Variants in HMGB1 observed in about 807,000 individuals in gnomAD.
The protein encoded by HMGB1 is high mobility group box 1, also known as high mobility group protein B1.
For missense variants in HMGB1, 79 were observed against 253.5 expected, an observed-to-expected ratio of 0.31 and a Z score of 4.67; for synonymous variants, 81 against 84.0, an observed-to-expected ratio of 0.96 and a Z score of 0.19.
At chr13:30,531,509 C>CATGT (rs3222599) in intron 1 of HMGB1, among the ~76,000 whole-genome samples, 1 of 135,590 alleles carries the variant, frequency 7.4e-6, no homozygotes, top group Non-Finnish European at 1.6e-5. Context: ...GTAACATATA[C>CATGT]GTGTGTGTGT....
intron 1 of HMGB1, among the ~76,000 whole-genome samples, chr13:30,604,497 A>G (rs1047966592): frequency 2.6e-5 from 4 of 152,124 alleles, no homozygotes; most frequent in African/African-American, 9.7e-5. Context: ...GATGCTACTA[A>G]ACATCCTACA....
At chr13:30,537,176 T>C (rs1320079720) in intron 1 of HMGB1, among the ~76,000 whole-genome samples, 1 of 152,218 alleles carries the variant, frequency 6.6e-6, no homozygotes, top group African/African-American at 2.4e-5. Flanking sequence ...CCTTTTTTGT[T>C]TAGTTCCCAG....
chr13:30,595,064 CA>C (rs1001336215), intron 1 of HMGB1, among the ~76,000 whole-genome samples: 1 of 151,082 alleles, frequency 6.6e-6, no homozygotes, highest in African/African-American at 2.4e-5. Flanking sequence ...TAAAAGCAAG[CA>C]AAAAAAGGTC....
intron 1 of HMGB1, among the ~76,000 whole-genome samples, chr13:30,527,112 G>A (rs1888386520): frequency 6.6e-6 from 1 of 152,232 alleles, no homozygotes; most frequent in Non-Finnish European, 1.5e-5. Flanking sequence ...CAGAGCAGGG[G>A]CCGCAGCGGC....
chr13:30,589,007 C>CTTTTTTTTTTTTTTTTTTTTTT (rs1292576513), intron 1 of HMGB1, among the ~76,000 whole-genome samples: 2 of 141,720 alleles, frequency 1.4e-5, no homozygotes, highest in African/African-American at 5.1e-5. Context: ...TAGTTTACCA[C>CTTTTTTTTTTTTTTTTTTTTTT]TTTTTTTTTT....
intron 1 of HMGB1, among the ~76,000 whole-genome samples, chr13:30,514,043 T>C (rs56670174): frequency 0.2 from 29,692 of 151,882 alleles, 4,266 homozygotes; most frequent in African/African-American, 0.41. Context: ...CCACTGCATC[T>C]GGCCTTCCCA....
intron 1 of HMGB1, among the ~76,000 whole-genome samples, chr13:30,613,775 T>C (rs1192760296): frequency 6.6e-6 from 1 of 152,026 alleles, no homozygotes; most frequent in Non-Finnish European, 1.5e-5. Flanking sequence ...GGAGAACACA[T>C]AAGTCAAAGT....
chr13:30,465,235 C>T (rs1291458671), intron 1 of HMGB1: 28 of 335,358 alleles, frequency 8.3e-5, no homozygotes, highest in Non-Finnish European at 1.2e-4. Context: ...CGGCCGGGCC[C>T]GCACTGCCGC....
At chr13:30,574,223 C>T (rs1354529526) in intron 1 of HMGB1, among the ~76,000 whole-genome samples, 1 of 152,218 alleles carries the variant, frequency 6.6e-6, no homozygotes, top group East Asian at 1.9e-4. Context: ...TGGGCTCCCA[C>T]AGCACTCTGT....
chr13:30,480,689 C>T (rs7335774), intron 1 of HMGB1, among the ~76,000 whole-genome samples: 6,566 of 152,118 alleles, frequency 0.043, 488 homozygotes, highest in African/African-American at 0.15. Context: ...GTCGCTCTCA[C>T]GCAGTGCTAT....
Position 30,585,665 on chromosome 13 carries a change from CA to C in HMGB1, c.-15+31005del, listed in dbSNP as rs1160349577. On this transcript the variant is annotated intron_variant, in intron 1 of 4. Transcript: ENST00000405805. ...AGCCTGGGTAACAGAGACTCCATCT[CA>C]AAAAAAAAAAGTAAAAAGTATATAG... is the stretch of plus-strand genomic sequence containing the variant. Among the ~76,000 whole-genome samples the C allele has an allele frequency of 4.2e-3, 582 of 137,186 alleles. 4 individuals are homozygous for C. Among genetic ancestry groups the C allele is most frequent in the African/African-American group, 0.013 (474 of 37,226 alleles). The allele number at this position is 137,186 out of a possible 152,430, so 90.0% of individuals were successfully genotyped here. A position where few individuals can be genotyped will look rare whatever the true frequency, so the allele number is the denominator to read the frequency against.
chr13:30,613,407 A>G (rs569560955), intron 1 of HMGB1, among the ~76,000 whole-genome samples: 1 of 152,212 alleles, frequency 6.6e-6, no homozygotes, highest in Non-Finnish European at 1.5e-5. Context: ...TTGGCAAAAA[A>G]TTTTAAAGAA....
At chr13:30,521,234 A>G (rs530131806) in intron 1 of HMGB1, among the ~76,000 whole-genome samples, 1 of 152,316 alleles carries the variant, frequency 6.6e-6, no homozygotes, top group East Asian at 1.9e-4. Context: ...TTGAAATGAA[A>G]TTCACATACC....
intron 1 of HMGB1, among the ~76,000 whole-genome samples, chr13:30,525,286 ATTG>A (rs1379720214): frequency 1.3e-5 from 2 of 152,220 alleles, no homozygotes; most frequent in African/African-American, 4.8e-5. Context: ...TGTCATCACC[ATTG>A]TTGTTATTTA....
intron 1 of HMGB1, among the ~76,000 whole-genome samples, chr13:30,614,843 C>T (rs1024086531): frequency 6.6e-6 from 1 of 151,426 alleles, no homozygotes; most frequent in African/African-American, 2.4e-5. Flanking sequence ...GGTTTACAGG[C>T]GCCTCCCACC....
chr13:30,478,262 G>A (rs896455285), intron 1 of HMGB1, among the ~76,000 whole-genome samples: 3 of 152,140 alleles, frequency 2.0e-5, no homozygotes, highest in Admixed American at 6.5e-5. Flanking sequence ...ACTTGGGCCC[G>A]GGAGTTCAAG....
At chr13:30,496,015 T>C (rs1025909291) in intron 1 of HMGB1, among the ~76,000 whole-genome samples, 4 of 152,244 alleles carry the variant, frequency 2.6e-5, no homozygotes, top group African/African-American at 4.8e-5. Flanking sequence ...TTTGCTCTGC[T>C]GTTTTACTAC....
intron 1 of HMGB1, among the ~76,000 whole-genome samples, chr13:30,509,411 G>A (rs376476020): frequency 4.9e-4 from 74 of 152,118 alleles, no homozygotes; most frequent in Middle Eastern, 6.8e-3. Flanking sequence ...GCTAATTTTT[G>A]TATTTTTAGT....
At position 30,460,387 on chromosome 13, in the gene HMGB1, G is replaced by A. The variant is rs1469296228; in HGVS notation, c.*970C>T. 1 of 151,346 alleles carries A rather than the reference G, an allele frequency of 6.6e-6. No homozygotes were observed. Among genetic ancestry groups the A allele is most frequent in the African/African-American group, 2.4e-5 (1 of 41,056 alleles). The allele number at this position is 151,346 out of a possible 1,614,324, so 9.4% of individuals were successfully genotyped here. ...AGCCAGCATTTTCATAGTCTTCACT[G>A]AGACTAATGTCAACAAAAAATTTAA... On this transcript the variant is annotated 3_prime_UTR_variant, in exon 5 of 5. Transcript: ENST00000341423.
Sources: gnomAD v4.1 joint callset for allele counts (sites outside exome capture counted in the v4.1 genomes callset) on GRCh38, gnomAD v4.1.1 for gene constraint, MANE v1.5 for transcripts, NCBI Gene and HGNC (gene_info 2026-07-23, HGNC 2026-07-21) for gene names.